PCDH11X: variants seen among roughly 807,000 people sequenced by gnomAD.
The protein encoded by PCDH11X is protocadherin 11 X-linked.
PCDH11X carries 18 observed loss-of-function variants against 53.3 expected under a neutral mutation model. The observed-to-expected ratio is 0.34, with a 90% CI of 0.23 to 0.50. PCDH11X has a LOEUF of 0.50. PCDH11X is among the 20% of genes least tolerant of loss of function. The pLI is 0.98. For synonymous variants in PCDH11X, 279 were observed against 393.3 expected, an observed-to-expected ratio of 0.71 and a Z score of 3.44; for missense variants, 570 against 1,032.4, an observed-to-expected ratio of 0.55 and a Z score of 6.14.
chrX:92,452,508 T>A (rs2148648767), intron 9 of PCDH11X, among the ~76,000 whole-genome samples: 1 of 82,070 alleles, frequency 1.2e-5, no homozygotes, highest in African/African-American at 4.6e-5. Context: ...TGTTTTTTTT[T>A]TTTTTTTTGA....
intron 10 of PCDH11X, among the ~76,000 whole-genome samples, chrX:92,519,403 T>G (rs983534514): frequency 9.2e-6 from 1 of 108,864 alleles, no homozygotes; most frequent in Non-Finnish European, 1.9e-5. Context: ...TATATGTGCT[T>G]TATCTTTTTA....
intron 6 of PCDH11X, among the ~76,000 whole-genome samples, chrX:92,067,258 T>G (rs1210156487): frequency 1.8e-5 from 2 of 110,835 alleles, no homozygotes; most frequent in African/African-American, 6.6e-5. Flanking sequence ...GAAGTAAGGC[T>G]TTCAGTTTTT....
At chrX:91,959,117 A>G (rs1189634100) in intron 6 of PCDH11X, among the ~76,000 whole-genome samples, 2 of 107,209 alleles carry the variant, frequency 1.9e-5, no homozygotes, top group African/African-American at 6.9e-5. Flanking sequence ...TTTATGTAAA[A>G]ATGTAAAATT....
chrX:92,200,372 T>C (rs975541551), intron 6 of PCDH11X, among the ~76,000 whole-genome samples: 2 of 111,783 alleles, frequency 1.8e-5, no homozygotes, highest in African/African-American at 6.5e-5. Context: ...AGGATGTTCC[T>C]GGAAAAACTG....
chrX:92,265,340 A>C (rs2067806266), intron 8 of PCDH11X, among the ~76,000 whole-genome samples: 1 of 110,942 alleles, frequency 9.0e-6, no homozygotes, highest in Non-Finnish European at 1.9e-5. Flanking sequence ...GACACATTCC[A>C]CTTTTTTTAG....
chrX:92,451,684 A>G (rs2072783975), intron 9 of PCDH11X, among the ~76,000 whole-genome samples: 1 of 112,072 alleles, frequency 8.9e-6, no homozygotes, highest in South Asian at 3.7e-4. Flanking sequence ...AAGAAAAGCA[A>G]TGAAACCTGA....
intron 4 of PCDH11X, among the ~76,000 whole-genome samples, chrX:91,828,215 G>A (rs1936985458): frequency 9.5e-6 from 1 of 105,777 alleles, no homozygotes; most frequent in Admixed American, 1.0e-4. Flanking sequence ...CGCCTCCCGG[G>A]TTCACGCCAT....
At chrX:91,783,813 G>T (rs1231594258) in intron 1 of PCDH11X, among the ~76,000 whole-genome samples, 1 of 112,186 alleles carries the variant, frequency 8.9e-6, no homozygotes, top group Non-Finnish European at 1.9e-5. Flanking sequence ...TTTAAAGGAG[G>T]TGTCATCCCT....
At chrX:92,410,326 CCTTT>C (rs1303944481) in intron 9 of PCDH11X, among the ~76,000 whole-genome samples, 1 of 104,251 alleles carries the variant, frequency 9.6e-6, no homozygotes, top group African/African-American at 3.5e-5. Context: ...GAGTGAATCA[CCTTT>C]CTTAGTGCGT....
At chrX:92,150,938 C>T (rs1322373405) in intron 6 of PCDH11X, among the ~76,000 whole-genome samples, 1 of 110,803 alleles carries the variant, frequency 9.0e-6, no homozygotes, top group Non-Finnish European at 1.9e-5. Flanking sequence ...TGTGATGTTT[C>T]ATGTAAACCG....
intron 6 of PCDH11X, among the ~76,000 whole-genome samples, chrX:92,165,557 G>A (rs950468639): frequency 8.9e-5 from 10 of 111,874 alleles, no homozygotes; most frequent in African/African-American, 2.3e-4. Flanking sequence ...TCCAGAGGTC[G>A]TTGGCTTTGT....
At chrX:92,550,590 A>G (rs1602311558) in intron 10 of PCDH11X, among the ~76,000 whole-genome samples, 1 of 107,850 alleles carries the variant, frequency 9.3e-6, no homozygotes, top group East Asian at 2.9e-4. Flanking sequence ...CAAACCATCC[A>G]ATTATATTCA....
chrX:92,619,200 C>T lies in PCDH11X; in HGVS notation c.*260C>T, dbSNP rs147867912. 3.5e-4 allele frequency: 140 copies of T among 405,273 alleles called. 1 individual carries two copies. Among genetic ancestry groups the T allele is most frequent in the African/African-American group, 3.0e-3 (120 of 39,604 alleles). 33.4% of individuals were successfully genotyped at this position (405,273 alleles called of 1,213,427 possible). On this transcript the variant is annotated 3_prime_UTR_variant, in exon 11 of 11. Coordinates refer to ENST00000682573, the MANE Select transcript of PCDH11X (RefSeq NM_032968.5). ...TACAGTAAGGCTTATCATGACAGAG[C>T]GCACTATTTCTGATGTACAGTATTT...
chrX:92,148,968 G>T (rs2148235351), intron 6 of PCDH11X, among the ~76,000 whole-genome samples: 1 of 110,892 alleles, frequency 9.0e-6, no homozygotes, highest in African/African-American at 3.3e-5. Context: ...GGGAGTCAGA[G>T]GTACAGCCAT....
chrX:91,803,973 C>A, intron 1 of PCDH11X, among the ~76,000 whole-genome samples: 1 of 111,234 alleles, frequency 9.0e-6, no homozygotes, highest in Middle Eastern at 4.6e-3. Context: ...AATTTTCCCA[C>A]ATTTTTTCAA....
In PCDH11X at chrX:92,345,599, T is replaced by C. The variant is rs150958810; in HGVS notation, c.3145-42136T>C. 7.7e-3 allele frequency among the ~76,000 whole-genome samples: 859 copies of C among 111,694 alleles called. 5 individuals carry two copies. The highest frequency in any genetic ancestry group is 0.013 in the Non-Finnish European group (681 of 52,891). ...TTTATTAAATCCAGAATAACGTTAATTTTTAATTTGTATTTGTTTTAATAA... is the reference window on the plus strand; with the variant it reads ...TTTATTAAATCCAGAATAACGTTAACTTTTAATTTGTATTTGTTTTAATAA... On this transcript the variant is annotated intron_variant, in intron 8 of 10. Transcript: ENST00000682573.
rs765523053 is a variant in PCDH11X at position 92,387,741 on chromosome X, C to T, written c.3151C>T (p.Arg1051Trp). 7 of 1,211,740 alleles carry T rather than the reference C, an allele frequency of 5.8e-6. No homozygotes were observed. The highest frequency in any genetic ancestry group is 3.0e-5 in the East Asian group (1 of 33,836). Residue 1051 changes from arginine (R) to tryptophan (W), a missense_variant, in exon 9 of 11, where the codon CGG (arginine) becomes TGG (tryptophan). Arg to Trp is a moderately radical substitution (Grantham distance 101, BLOSUM62 -3). This residue lies in a region of PCDH11X where 234 missense variants were observed against 296.1 expected (regional missense o/e 0.79). Transcript: ENST00000682573. ...SEGKVAGKSQRRVTFHLPEGS... is the reference protein window; with the variant it reads ...SEGKVAGKSQWRVTFHLPEGS... ...TTTTCATTCTCCCTTTCAGTCCCAG[C>T]GGCGTGTCACATTTCACCTGCCAGA...
chrX:92,602,364 C>A (rs1410612827), intron 10 of PCDH11X, among the ~76,000 whole-genome samples: 3 of 112,434 alleles, frequency 2.7e-5, no homozygotes, highest in Non-Finnish European at 5.6e-5. Context: ...CAGAGACAAT[C>A]AGGAAAAAGT....
chrX:92,030,902 T>A, intron 6 of PCDH11X, among the ~76,000 whole-genome samples: 1 of 104,917 alleles, frequency 9.5e-6, no homozygotes. Context: ...GACACTTAGA[T>A]TGCTTTCAAG....
Sources: allele counts gnomAD v4.1 joint callset (sites outside exome capture counted in the v4.1 genomes callset), GRCh38; gene constraint gnomAD v4.1.1; regional missense constraint gnomAD v4.1.1; transcripts MANE v1.5; gene names NCBI Gene and HGNC (gene_info 2026-07-23, HGNC 2026-07-21).